PLPPR5: variants seen among roughly 807,000 people sequenced by gnomAD.
PLPPR5 encodes phospholipid phosphatase related 5, also known as phospholipid phosphatase-related protein type 5.
A neutral mutation model predicts 33.9 loss-of-function variants in PLPPR5; 16 were observed. The observed-to-expected ratio is 0.47, with a 90% CI of 0.32 to 0.72. The LOEUF is 0.72. PLPPR5 is among the 30% of genes least tolerant of loss of function. The pLI is 0.03. For missense variants in PLPPR5, 301 were observed against 406.7 expected (o/e 0.74, Z 2.23); for synonymous variants, 163 against 150.3 (o/e 1.08, Z -0.62).
chr1:98,950,266 A>T (rs1650728517), intron 3 of PLPPR5, among the ~76,000 whole-genome samples: 1 of 152,172 alleles, frequency 6.6e-6, no homozygotes, highest in South Asian at 2.1e-4. Context: ...ATCACAAATT[A>T]TCAATTATTA....
At chr1:98,902,688 G>A (rs1056394241) in intron 5 of PLPPR5, among the ~76,000 whole-genome samples, 2 of 152,082 alleles carry the variant, frequency 1.3e-5, no homozygotes, top group African/African-American at 4.8e-5. Context: ...AAAAAAGAGG[G>A]AGATGAACGG....
chr1:98,920,128 T>G (rs1256597808), intron 4 of PLPPR5, among the ~76,000 whole-genome samples: 1 of 152,054 alleles, frequency 6.6e-6, no homozygotes, highest in Non-Finnish European at 1.5e-5. Context: ...TCAAGGGGGA[T>G]CCAGAGCTCA....
intron 5 of PLPPR5, 76 bp downstream of exon 5, chr1:98,914,710 T>G: frequency 7.6e-7 from 1 of 1,315,712 alleles, no homozygotes; most frequent in Non-Finnish European, 1.0e-6. Flanking sequence ...TGTGTGGACA[T>G]GCTCCAGATA....
chr1:98,957,209 A>C, intron 1 of PLPPR5, among the ~76,000 whole-genome samples: 1 of 143,416 alleles, frequency 7.0e-6, no homozygotes, highest in African/African-American at 2.6e-5. Context: ...GGGGGGAGGG[A>C]TAGCATTGGG....
At chr1:98,908,729 G>T (rs1570687499) in intron 5 of PLPPR5, among the ~76,000 whole-genome samples, 1 of 152,242 alleles carries the variant, frequency 6.6e-6, no homozygotes, top group Non-Finnish European at 1.5e-5. Flanking sequence ...ACCTAAAATG[G>T]GGATGGCTGC....
intron 1 of PLPPR5, among the ~76,000 whole-genome samples, chr1:98,958,495 T>C (rs1570733760): frequency 1.3e-5 from 2 of 152,112 alleles, no homozygotes; most frequent in African/African-American, 2.4e-5. Flanking sequence ...GTCTTGCCTA[T>C]TTGGTGAGAG....
At position 99,004,742 on chromosome 1, in the gene PLPPR5, C is replaced by T; in HGVS notation, c.-71G>A. On this transcript the variant is annotated 5_prime_UTR_variant, in exon 1 of 6. Coordinates refer to ENST00000263177, the MANE Select transcript of PLPPR5 (RefSeq NM_001037317.2). ...CGCGGTGGGCCCCCTCCCCGGTCCG[C>T]CGAGGCAGCCACCGGGGGCGCGGCG... 9.4e-7 allele frequency: 1 copy of T among 1,059,040 alleles called. No individual in the cohort carries two copies. Among genetic ancestry groups the T allele is most frequent in the South Asian group, 4.6e-5 (1 of 21,802 alleles). 65.6% of individuals were successfully genotyped at this position (1,059,040 alleles called of 1,614,324 possible). A position where few individuals can be genotyped will look rare whatever the true frequency, so the allele number is the denominator to read the frequency against.
At chr1:98,924,321 C>T (rs1253355865) in intron 3 of PLPPR5, among the ~76,000 whole-genome samples, 3 of 152,046 alleles carry the variant, frequency 2.0e-5, no homozygotes, top group Non-Finnish European at 4.4e-5. Flanking sequence ...GTGGCACTGT[C>T]GAGAAAAGAC....
chr1:98,935,395 G>C (rs953494511), intron 3 of PLPPR5, among the ~76,000 whole-genome samples: 3 of 152,198 alleles, frequency 2.0e-5, no homozygotes, highest in Non-Finnish European at 4.4e-5. Flanking sequence ...GTCTGTACAA[G>C]TGGGAGAGGA....
At chr1:98,934,693 T>C (rs1650112716) in intron 3 of PLPPR5, among the ~76,000 whole-genome samples, 1 of 152,098 alleles carries the variant, frequency 6.6e-6, no homozygotes, top group Non-Finnish European at 1.5e-5. Context: ...TCACAGGAAA[T>C]AGAAGTCACG....
In PLPPR5 at chr1:99,004,723, G is replaced by A; in HGVS notation, c.-52C>T. 7.9e-7 allele frequency: 1 copy of A among 1,270,030 alleles called. No individual in the cohort carries two copies. Among genetic ancestry groups the A allele is most frequent in the Non-Finnish European group, 1.0e-6 (1 of 976,698 alleles). 78.7% of individuals were successfully genotyped at this position (1,270,030 alleles called of 1,614,324 possible). A position where few individuals can be genotyped will look rare whatever the true frequency, so the allele number is the denominator to read the frequency against. On this transcript the variant is annotated 5_prime_UTR_variant, in exon 1 of 6. Transcript: ENST00000263177. The stretch of plus-strand genomic sequence containing the variant: ...GAGCCGAGCGGGCGGTCGACGCGGT[G>A]GGCCCCCTCCCCGGTCCGCCGAGGC...
At chr1:98,901,466 AT>A (rs1265040659) in intron 5 of PLPPR5, among the ~76,000 whole-genome samples, 4 of 152,068 alleles carry the variant, frequency 2.6e-5, no homozygotes, top group African/African-American at 9.7e-5. Context: ...ATAAATCCAA[AT>A]TAAAAAAAAT....
chr1:98,992,271 C>T (rs927860953), intron 1 of PLPPR5, among the ~76,000 whole-genome samples: 1 of 152,076 alleles, frequency 6.6e-6, no homozygotes, highest in South Asian at 2.1e-4. Context: ...TGAACCAGTC[C>T]TGCTATTATG....
chr1:98,925,702 AAC>A (rs1491405240), intron 3 of PLPPR5, among the ~76,000 whole-genome samples: 3 of 151,892 alleles, frequency 2.0e-5, no homozygotes, highest in Non-Finnish European at 4.4e-5. Context: ...GAAATAAAAA[AAC>A]ACAAATATTT....
chr1:98,956,707 T>G lies in PLPPR5; in HGVS notation c.272A>C (p.Gln91Pro). 1 of 1,587,976 alleles carries G rather than the reference T, an allele frequency of 6.3e-7. No homozygotes were observed. ...IVGETAVFCL[Q>P]LATRDFENQE... Reference sequence around the variant, plus strand: ...GTTTTCAAAATCCCTTGTGGCTAGTTGTAGGCAAAAGACAGCAGTTTCTCC... The same window carrying G: ...GTTTTCAAAATCCCTTGTGGCTAGTGGTAGGCAAAAGACAGCAGTTTCTCC... The change falls in exon 2 of 6, where the codon CAA becomes CCA. Residue 91 changes from glutamine (Q) to proline (P), a missense_variant. Transcript: ENST00000263177.
In PLPPR5 at chr1:98,946,564, ACTT is replaced by A. The variant is rs1570722465; in HGVS notation, c.621+6503_621+6505del. 3.9e-5 allele frequency among the ~76,000 whole-genome samples: 6 copies of A among 152,146 alleles called. No homozygotes were observed. In the East Asian group the frequency reaches 1.2e-3, roughly 29 times the overall value. On this transcript the variant is annotated intron_variant, in intron 3 of 5. Coordinates refer to ENST00000263177, the MANE Select transcript of PLPPR5 (RefSeq NM_001037317.2). ...TTCTGCTATTGCCCTTCCCTGGGAC[ACTT>A]CTTCTCCCCCTGTTCAAATCATGTC...
intron 1 of PLPPR5, among the ~76,000 whole-genome samples, chr1:98,975,209 C>T (rs1239350920): frequency 6.6e-6 from 1 of 152,098 alleles, no homozygotes; most frequent in African/African-American, 2.4e-5. Flanking sequence ...CACCCTAGTT[C>T]TTGCTGACTT....
intron 5 of PLPPR5, among the ~76,000 whole-genome samples, chr1:98,904,141 T>C (rs978521132): frequency 6.6e-6 from 1 of 152,160 alleles, no homozygotes; most frequent in Non-Finnish European, 1.5e-5. Flanking sequence ...CAGCTGATGT[T>C]TCTGTTAAAA....
chr1:98,904,618 A>G (rs997115670), intron 5 of PLPPR5, among the ~76,000 whole-genome samples: 10 of 152,084 alleles, frequency 6.6e-5, no homozygotes, highest in African/African-American at 2.4e-4. Flanking sequence ...CCATGTGCTG[A>G]CCTATGCCAG....
Sources: allele counts gnomAD v4.1 joint callset (sites outside exome capture counted in the v4.1 genomes callset), GRCh38; gene constraint gnomAD v4.1.1; transcripts MANE v1.5; gene names NCBI Gene and HGNC (gene_info 2026-07-23, HGNC 2026-07-21).